Variants in KLF12 observed in about 807,000 individuals in gnomAD.
The protein encoded by KLF12 is Krueppel-like factor 12.
A neutral mutation model predicts 37.8 loss-of-function variants in KLF12; 9 were observed. That is an observed-to-expected ratio of 0.24 (90% CI 0.14 to 0.42). KLF12 has a LOEUF of 0.42. KLF12 is among the 10% of genes least tolerant of loss of function. The pLI, the probability that KLF12 is intolerant of heterozygous loss-of-function variation, is 1.00. For synonymous variants in KLF12, 208 were observed against 202.1 expected (o/e 1.03, Z -0.25); for missense variants, 411 against 516.0 (o/e 0.80, Z 1.97).
chr13:74,154,916 C>T, the KLF12 span, among the ~76,000 whole-genome samples: 2 of 152,210 alleles, frequency 1.3e-5, no homozygotes, highest in African/African-American at 4.8e-5. Flanking sequence ...AATATATTGC[C>T]AGCCACCAAA....
chr13:73,827,759 C>T (rs7984129), intron 4 of KLF12, among the ~76,000 whole-genome samples: 38,081 of 151,978 alleles, frequency 0.25, 4,953 homozygotes, highest in East Asian at 0.48. Flanking sequence ...GACAGGGTTC[C>T]ACCATGCTGG....
intron 3 of KLF12, among the ~76,000 whole-genome samples, chr13:73,877,701 A>G (rs1244864558): frequency 6.6e-6 from 1 of 152,188 alleles, no homozygotes; most frequent in East Asian, 1.9e-4. Flanking sequence ...TCTATGAAAA[A>G]TAAGTGATCA....
chr13:74,300,048 A>G, the KLF12 span, among the ~76,000 whole-genome samples: 1,026 of 152,270 alleles, frequency 6.7e-3, 11 homozygotes, highest in African/African-American at 0.023. Flanking sequence ...GGAAAAAAAA[A>G]CCATTGTAAA....
intron 6 of KLF12, among the ~76,000 whole-genome samples, chr13:73,716,968 C>A (rs1007698500): frequency 1.3e-5 from 2 of 152,074 alleles, no homozygotes; most frequent in African/African-American, 4.8e-5. Flanking sequence ...AGTAACGGTG[C>A]ATTTTACAAT....
chr13:74,134,066 C>G (rs1170714428), upstream of KLF12, among the ~76,000 whole-genome samples: 1 of 151,522 alleles, frequency 6.6e-6, no homozygotes, highest in Non-Finnish European at 1.5e-5. Flanking sequence ...TCGCCAGGCC[C>G]GCATCGAATT....
intron 7 of KLF12, among the ~76,000 whole-genome samples, chr13:73,705,490 C>T (rs1458555523): frequency 6.6e-6 from 1 of 152,158 alleles, no homozygotes; most frequent in Non-Finnish European, 1.5e-5. Context: ...CCAGGCTGTT[C>T]TAGAAGTCCT....
intron 5 of KLF12, among the ~76,000 whole-genome samples, chr13:73,810,982 CTTTTTTTTTTT>C (rs376490803): frequency 4.0e-4 from 18 of 44,818 alleles, no homozygotes; most frequent in Middle Eastern, 0.038. Context: ...ATTTTTCTTT[CTTTTTTTTTTT>C]TTTTTTTTTT....
chr13:73,696,345 A>T (rs1340048935), intron 7 of KLF12, among the ~76,000 whole-genome samples: 1 of 152,208 alleles, frequency 6.6e-6, no homozygotes, highest in African/African-American at 2.4e-5. Context: ...TTGGTCCTAG[A>T]GCTAAAATTC....
intron 3 of KLF12, among the ~76,000 whole-genome samples, chr13:73,934,950 A>ATTATTTAT (rs146314583): frequency 0.11 from 15,793 of 139,456 alleles, 981 homozygotes; most frequent in Non-Finnish European, 0.12. Flanking sequence ...ATAGGTTTTT[A>ATTATTTAT]TTATTTATTT....
chr13:73,846,410 T>C (rs752808616), intron 3 of KLF12, 37 bp from the exon 4 acceptor site: 3 of 1,546,258 alleles, frequency 1.9e-6, no homozygotes, highest in East Asian at 2.3e-5. Context: ...TTTATCTTTG[T>C]TTATCACACA....
At chr13:73,753,734 T>TA (rs1049491758) in intron 6 of KLF12, among the ~76,000 whole-genome samples, 4 of 151,014 alleles carry the variant, frequency 2.6e-5, no homozygotes, top group African/African-American at 9.7e-5. Context: ...ACATAGAACT[T>TA]AAATACTTAA....
chr13:73,737,669 A>G (rs1877558238), intron 6 of KLF12, among the ~76,000 whole-genome samples: 1 of 152,206 alleles, frequency 6.6e-6, no homozygotes, highest in Admixed American at 6.5e-5. Flanking sequence ...ACTTTAATAT[A>G]GAACAGCAAG....
intron 3 of KLF12, among the ~76,000 whole-genome samples, chr13:73,888,200 C>T (rs1177606759): frequency 2.0e-5 from 3 of 152,022 alleles, no homozygotes; most frequent in African/African-American, 4.8e-5. Flanking sequence ...GACAGGGTTT[C>T]GCCATGTTGT....
chr13:73,921,240 T>C (rs1309340218), intron 3 of KLF12, among the ~76,000 whole-genome samples: 1 of 152,226 alleles, frequency 6.6e-6, no homozygotes, highest in African/African-American at 2.4e-5. Context: ...TCCTGTGTAC[T>C]GACCCATAAT....
intron 1 of KLF12, among the ~76,000 whole-genome samples, chr13:74,004,059 A>G (rs754458271): frequency 6.6e-6 from 1 of 152,132 alleles, no homozygotes; most frequent in Non-Finnish European, 1.5e-5. Context: ...TAGGGAATGT[A>G]TTTTTATATT....
intron 1 of KLF12, among the ~76,000 whole-genome samples, chr13:74,056,437 T>G (rs754426612): frequency 1.1e-4 from 16 of 152,204 alleles, no homozygotes; most frequent in Non-Finnish European, 2.2e-4. Flanking sequence ...TAATAACACT[T>G]CATATGGTGT....
chr13:74,222,607 T>C, the KLF12 span, among the ~76,000 whole-genome samples: 1 of 152,218 alleles, frequency 6.6e-6, no homozygotes, highest in Admixed American at 6.5e-5. Context: ...CAAAAAAGCT[T>C]TAGAATCAGT....
intron 6 of KLF12, among the ~76,000 whole-genome samples, chr13:73,750,129 T>C (rs1473093177): frequency 6.6e-6 from 1 of 152,216 alleles, no homozygotes; most frequent in East Asian, 1.9e-4. Context: ...AGAAATGATG[T>C]AACCAATGTT....
chr13:74,280,798 A>G, the KLF12 span, among the ~76,000 whole-genome samples: 1 of 150,528 alleles, frequency 6.6e-6, no homozygotes, highest in Non-Finnish European at 1.5e-5. Flanking sequence ...TAGAAACTAC[A>G]CCATACTCAT....
Sources: gnomAD v4.1 joint callset for allele counts (sites outside exome capture counted in the v4.1 genomes callset) on GRCh38, gnomAD v4.1.1 for gene constraint, MANE v1.5 for transcripts, NCBI Gene and HGNC (gene_info 2026-07-23, HGNC 2026-07-21) for gene names.